Variants in CENPP observed in about 807,000 individuals in gnomAD.
CENPP encodes centromere protein P.
Under a neutral mutation model 35.6 loss-of-function variants are expected in CENPP, and 24 were observed. The ratio of observed to expected loss-of-function variants is 0.67; its 90% CI spans 0.49 to 0.95. The LOEUF (loss-of-function observed/expected upper bound fraction) is 0.95. Ranked by LOEUF, CENPP falls within the 40% of genes least tolerant of loss-of-function variation. The pLI is 0.00. For synonymous variants in CENPP, 120 were observed against 125.5 expected, an observed-to-expected ratio of 0.96 and a Z score of 0.29; for missense variants, 332 against 345.3, an observed-to-expected ratio of 0.96 and a Z score of 0.31.
chr9:92,399,232 A>G (rs1018855650), intron 5 of CENPP, among the ~76,000 whole-genome samples: 2 of 152,082 alleles, frequency 1.3e-5, no homozygotes, highest in African/African-American at 4.8e-5. Context: ...ATGTGTTGTC[A>G]TACTTCAATT....
In CENPP at chr9:92,355,073, C is replaced by T. The variant is rs141755329; in HGVS notation, c.467+9286C>T. Among the ~76,000 whole-genome samples the T allele has an allele frequency of 7.4e-3, 1,132 of 152,258 alleles. 12 individuals are homozygous for T. The highest frequency in any genetic ancestry group is 0.031 in the Middle Eastern group (9 of 294). On this transcript the variant is annotated intron_variant, in intron 4 of 7. Transcript: ENST00000375587. ...ACTACTGATAAGGGTCCATGTTCAG[C>T]GGTGCACATATTGTCTTGATAAACA...
chr9:92,360,058 A>T (rs1403231029), intron 4 of CENPP, among the ~76,000 whole-genome samples: 3 of 152,166 alleles, frequency 2.0e-5, no homozygotes, highest in Non-Finnish European at 2.9e-5. Context: ...ATATAAGTGG[A>T]GAGATGGAAT....
At chr9:92,342,893 T>C (rs1841167554) in intron 3 of CENPP, among the ~76,000 whole-genome samples, 1 of 152,228 alleles carries the variant, frequency 6.6e-6, no homozygotes, top group Non-Finnish European at 1.5e-5. Context: ...TTACAAATTC[T>C]GATTGATAGT....
intron 5 of CENPP, among the ~76,000 whole-genome samples, chr9:92,395,181 C>T (rs1443996673): frequency 6.6e-6 from 1 of 152,144 alleles, no homozygotes; most frequent in Non-Finnish European, 1.5e-5. Flanking sequence ...TTTTCTCCTG[C>T]CCTTTGGTAA....
At chr9:92,328,892 G>A (rs377214681) in intron 1 of CENPP, among the ~76,000 whole-genome samples, 14 of 152,270 alleles carry the variant, frequency 9.2e-5, no homozygotes, top group South Asian at 2.1e-4. Context: ...ATTTTTGAGC[G>A]TTCAGCTCAA....
At chr9:92,552,044 TATAGGTCTATCATATATGTGATATG>T (rs1849616059) in intron 5 of CENPP, among the ~76,000 whole-genome samples, 2 of 65,646 alleles carry the variant, frequency 3.0e-5, no homozygotes, top group Non-Finnish European at 5.5e-5. Context: ...TATGTGATAT[TATAGGTCTATCATATATGTGATATG>T]ATAGATCTAT....
chr9:92,475,658 T>C (rs1050548073), intron 5 of CENPP, among the ~76,000 whole-genome samples: 3 of 152,254 alleles, frequency 2.0e-5, no homozygotes, highest in Non-Finnish European at 2.9e-5. Context: ...TTAGACAACA[T>C]CTGGAATTTT....
chr9:92,420,906 G>A (rs938174809), intron 5 of CENPP, among the ~76,000 whole-genome samples: 4 of 152,122 alleles, frequency 2.6e-5, no homozygotes, highest in Admixed American at 2.0e-4. Context: ...TTCTCATAGA[G>A]GGAAGTGAGG....
chr9:92,611,246 C>T, intron 5 of CENPP, 68 bp from the exon 6 acceptor site: 3 of 1,298,686 alleles, frequency 2.3e-6, no homozygotes, highest in East Asian at 2.3e-5. Flanking sequence ...AACGGTGCCC[C>T]GTGCCCCTCC....
chr9:92,471,231 C>T (rs560285981), intron 5 of CENPP, among the ~76,000 whole-genome samples: 2 of 149,328 alleles, frequency 1.3e-5, no homozygotes, highest in East Asian at 2.0e-4. Flanking sequence ...GAGTCTCGCT[C>T]TGTTGCCCAG....
intron 5 of CENPP, among the ~76,000 whole-genome samples, chr9:92,538,312 A>G (rs1849237951): frequency 6.6e-6 from 1 of 152,234 alleles, no homozygotes; most frequent in Non-Finnish European, 1.5e-5. Flanking sequence ...TCAAAACTGT[A>G]CATGTATTAT....
At chr9:92,389,016 A>G (rs1170751911) in intron 5 of CENPP, among the ~76,000 whole-genome samples, 1 of 152,154 alleles carries the variant, frequency 6.6e-6, no homozygotes, top group Non-Finnish European at 1.5e-5. Context: ...ACACTTTCTA[A>G]CAGATTGTAC....
In CENPP at chr9:92,582,424, A is replaced by G. The variant is rs557289423; in HGVS notation, c.565-28890A>G. Among the ~76,000 whole-genome samples, 10 of 152,306 alleles carry G rather than the reference A, an allele frequency of 6.6e-5. No individual in the cohort carries two copies. In the South Asian group the frequency reaches 2.1e-3, roughly 32 times the overall value. ...GAAAAAAATAATTTTAAAACAATTT[A>G]AAAAGTCAATTGTGGGACATCCAGA... On this transcript the variant is annotated intron_variant, in intron 5 of 7. Coordinates refer to ENST00000375587, the MANE Select transcript of CENPP (RefSeq NM_001012267.3).
chr9:92,546,335 C>T (rs373126943), intron 5 of CENPP, among the ~76,000 whole-genome samples: 4 of 152,156 alleles, frequency 2.6e-5, no homozygotes, highest in African/African-American at 9.7e-5. Flanking sequence ...ACCAGAGGTC[C>T]CCTTCCACTG....
At chr9:92,596,126 G>A (rs867349863) in intron 5 of CENPP, among the ~76,000 whole-genome samples, 1 of 151,912 alleles carries the variant, frequency 6.6e-6, no homozygotes, top group Middle Eastern at 3.4e-3. Flanking sequence ...TAAAAAAGGT[G>A]TTTTGTTTGT....
intron 4 of CENPP, among the ~76,000 whole-genome samples, chr9:92,361,377 G>A (rs555415490): frequency 6.6e-6 from 1 of 152,052 alleles, no homozygotes; most frequent in Non-Finnish European, 1.5e-5. Context: ...CTGACCTCAA[G>A]TGATCCATGC....
chr9:92,412,090 AATTT>A (rs1564306787), intron 5 of CENPP, among the ~76,000 whole-genome samples: 2 of 150,198 alleles, frequency 1.3e-5, no homozygotes, highest in African/African-American at 4.9e-5. Flanking sequence ...TTAATTAATT[AATTT>A]ATTTATTTTT....
At chr9:92,562,751 T>C (rs988526301) in intron 5 of CENPP, among the ~76,000 whole-genome samples, 1 of 152,142 alleles carries the variant, frequency 6.6e-6, no homozygotes, top group Non-Finnish European at 1.5e-5. Flanking sequence ...TTTCCACTGA[T>C]ATACTGTCTG....
At chr9:92,541,746 G>A (rs1849324174) in intron 5 of CENPP, among the ~76,000 whole-genome samples, 1 of 151,922 alleles carries the variant, frequency 6.6e-6, no homozygotes, top group South Asian at 2.1e-4. Flanking sequence ...GAATAATGCT[G>A]CAGTAAACAT....
Sources: gnomAD v4.1 joint callset for allele counts (sites outside exome capture counted in the v4.1 genomes callset) on GRCh38, gnomAD v4.1.1 for gene constraint, MANE v1.5 for transcripts, NCBI Gene and HGNC (gene_info 2026-07-23, HGNC 2026-07-21) for gene names.